ARFGAP1: variants seen among roughly 807,000 people sequenced by gnomAD.
ARFGAP1 encodes the protein ARF GTPase activating protein 1.
In ARFGAP1, 26 loss-of-function variants were observed where a neutral mutation model predicts 54.0. The observed-to-expected ratio is 0.48, with a 90% CI of 0.35 to 0.67. The LOEUF is 0.67. Among genes scored for constraint, ARFGAP1 ranks in the 30% least tolerant of loss-of-function variants. The pLI, the probability that ARFGAP1 is intolerant of heterozygous loss-of-function variation, is 0.00. For missense variants in ARFGAP1, 525 were observed against 535.8 expected (o/e 0.98, Z 0.20); for synonymous variants, 248 against 211.9 (o/e 1.17, Z -1.48).
chr20:63,277,355 T>C, intron 5 of ARFGAP1, 50 bp downstream of exon 5: 2 of 1,463,542 alleles, frequency 1.4e-6, no homozygotes, highest in South Asian at 1.3e-5. Flanking sequence ...GGTCCTGAAC[T>C]TAGTAGATTG....
At position 63,286,584 on chromosome 20, in the gene ARFGAP1, C is replaced by T. The variant is rs571375731; in HGVS notation, c.911+142C>T. 1.0e-4 allele frequency: 84 copies of T among 813,078 alleles called. 2 individuals carry two copies. The Admixed American group carries it at 1.6e-3, about 15-fold the overall frequency. The allele number at this position is 813,078 out of a possible 1,614,324, so 50.4% of individuals were successfully genotyped here. A position where few individuals can be genotyped will look rare whatever the true frequency, so the allele number is the denominator to read the frequency against. On this transcript the variant is annotated intron_variant, in intron 12 of 12. Coordinates refer to ENST00000370283, the MANE Select transcript of ARFGAP1 (RefSeq NM_018209.4). ...GGCTCTCCGGGAGGTGGCTGGCATCCTTGCTGGGGAGGGGGCACTGTGGAG... is the reference window on the plus strand; with the variant it reads ...GGCTCTCCGGGAGGTGGCTGGCATCTTTGCTGGGGAGGGGGCACTGTGGAG...
chr20:63,276,022 T>A lies in ARFGAP1; in HGVS notation c.61-69T>A. 6.9e-7 allele frequency: 1 copy of A among 1,455,764 alleles called. No homozygotes were observed. The highest frequency in any genetic ancestry group is 2.3e-5 in the East Asian group (1 of 44,170). The allele number at this position is 1,455,764 out of a possible 1,614,324, so 90.2% of individuals were successfully genotyped here. The stretch of plus-strand genomic sequence containing the variant: ...TCTGCATTCGCTCCTTGAGGCCACC[T>A]GTCGGGTCTTTGGGGTCCCTGGGCT... On this transcript the variant is annotated intron_variant, in intron 2 of 12. Transcript: ENST00000370283. This position sits in a 1 kb window ranked among gnomAD's most constrained non-coding sequence, Gnocchi z 5.2.
intron 7 of ARFGAP1, 149 bp from the exon 8 acceptor site, chr20:63,281,142 G>C: frequency 1.3e-6 from 1 of 751,808 alleles, no homozygotes; most frequent in East Asian, 2.7e-5. Flanking sequence ...TCCTCCAGCA[G>C]CCTGGAGAAG....
chr20:63,282,334 G>C (rs2067406535), intron 8 of ARFGAP1, among the ~76,000 whole-genome samples: 2 of 152,272 alleles, frequency 1.3e-5, no homozygotes, highest in African/African-American at 4.8e-5. Flanking sequence ...CAGCCAGAGT[G>C]TCACGACCGG....
At chr20:63,279,682 G>A (rs551883816) in intron 7 of ARFGAP1, among the ~76,000 whole-genome samples, 3 of 152,312 alleles carry the variant, frequency 2.0e-5, no homozygotes, top group African/African-American at 4.8e-5. Flanking sequence ...GAAGTTGCTC[G>A]GGTGCTGCCT....
chr20:63,285,095 C>T (rs1049360069), intron 10 of ARFGAP1, among the ~76,000 whole-genome samples, 173 bp downstream of exon 10: 6 of 152,146 alleles, frequency 3.9e-5, no homozygotes, highest in African/African-American at 9.6e-5. Context: ...TCCTCTTGGA[C>T]CCCCCAGCTG....
At chr20:63,284,692 T>G in intron 9 of ARFGAP1, 174 bp from the exon 10 acceptor site, 1 of 1,446,326 alleles carries the variant, frequency 6.9e-7, no homozygotes, top group Non-Finnish European at 9.1e-7. Flanking sequence ...GGCGGCCTAC[T>G]GCCCTTCGGG....
rs1302213674 is a variant in ARFGAP1, at chr20:63,283,703, C to CGGCT, written c.717+854_717+857dup. On this transcript the variant is annotated intron_variant, in intron 9 of 12. Coordinates refer to ENST00000370283, the MANE Select transcript of ARFGAP1 (RefSeq NM_018209.4). ...TGGTGGTCAGTTCCAGGGCAGGGAGCGGCTGCTCCAGGGTTGTGTTGCTGA... is the reference window on the plus strand; with the variant it reads ...TGGTGGTCAGTTCCAGGGCAGGGAGCGGCTGGCTGCTCCAGGGTTGTGTTGCTGA... 3 of 777,636 alleles carry CGGCT rather than the reference C, an allele frequency of 3.9e-6. No homozygotes were observed. The African/African-American group carries it at 5.2e-5, about 14-fold the overall frequency. 48.2% of individuals were successfully genotyped at this position (777,636 alleles called of 1,614,324 possible). A position where few individuals can be genotyped will look rare whatever the true frequency, so the allele number is the denominator to read the frequency against.
chr20:63,281,523 G>A (rs990886142), intron 8 of ARFGAP1, among the ~76,000 whole-genome samples, 176 bp downstream of exon 8: 1 of 152,176 alleles, frequency 6.6e-6, no homozygotes, highest in African/African-American at 2.4e-5. Context: ...AGACCTTGGA[G>A]GTTCTGCAGG....
intron 6 of ARFGAP1, 85 bp downstream of exon 6, chr20:63,278,288 C>T: frequency 1.4e-6 from 2 of 1,414,434 alleles, no homozygotes; most frequent in Non-Finnish European, 2.0e-6. Flanking sequence ...CCCTTGGGGC[C>T]TCCCATGTGC....
Position 63,282,747 on chromosome 20 carries a change from G to T in ARFGAP1, c.685-72G>T, listed in dbSNP as rs554217722. 7.7e-4 allele frequency: 1,186 copies of T among 1,539,350 alleles called. 12 individuals are homozygous for T. In the South Asian group the frequency reaches 0.01, roughly 13 times the overall value. ...GAGAGACAGTCCTGGACCTGAGTCTGTGGGCCCTGAGGAAGGATGCCTGGC... is the reference window on the plus strand; with the variant it reads ...GAGAGACAGTCCTGGACCTGAGTCTTTGGGCCCTGAGGAAGGATGCCTGGC... On this transcript the variant is annotated intron_variant, in intron 8 of 12. Transcript: ENST00000370283.
intron 9 of ARFGAP1, chr20:63,283,522 C>T (rs992068426): frequency 1.1e-5 from 4 of 369,276 alleles, no homozygotes; most frequent in East Asian, 5.0e-5. Context: ...TCCTTTCTCA[C>T]GAGGTGCCCA....
intron 9 of ARFGAP1, chr20:63,284,575 C>T: frequency 7.7e-7 from 1 of 1,291,022 alleles, no homozygotes; most frequent in Admixed American, 3.3e-5. Flanking sequence ...GGCCTGTTCC[C>T]ACCAGCCCGG....
At chr20:63,281,724 G>A (rs994018541) in intron 8 of ARFGAP1, among the ~76,000 whole-genome samples, 16 of 152,198 alleles carry the variant, frequency 1.1e-4, no homozygotes, top group African/African-American at 3.6e-4. Context: ...TGTTTTGAGA[G>A]CGATTTCTCT....
At chr20:63,279,227 C>G in intron 7 of ARFGAP1, 1 of 596,988 alleles carries the variant, frequency 1.7e-6, no homozygotes, top group South Asian at 1.6e-5. Flanking sequence ...AAGACGGAGT[C>G]TTGCTTTGTC....
chr20:63,283,830 T>C (rs1317047829), intron 9 of ARFGAP1: 1 of 1,613,446 alleles, frequency 6.2e-7, no homozygotes, highest in Non-Finnish European at 8.5e-7. Flanking sequence ...TCCTCACCTG[T>C]CTTCTTGCTG....
In ARFGAP1 at chr20:63,288,833, C is replaced by T; in HGVS notation, c.*960C>T. On this transcript the variant is annotated 3_prime_UTR_variant, in exon 13 of 13. Coordinates refer to ENST00000370283, the MANE Select transcript of ARFGAP1 (RefSeq NM_018209.4). ...GCCACGTGTGACTCGTCTCCCTTGT[C>T]TGCCCTGTGTGACCCTCAGTCTTGG... is the stretch of plus-strand genomic sequence containing the variant. 3.1e-6 allele frequency: 1 copy of T among 320,218 alleles called. No individual in the cohort carries two copies. Among genetic ancestry groups the T allele is most frequent in the East Asian group, 7.8e-5 (1 of 12,888 alleles). The allele number at this position is 320,218 out of a possible 1,614,324, so 19.8% of individuals were successfully genotyped here.
chr20:63,285,758 C>T (rs1371616313), intron 11 of ARFGAP1, 45 bp downstream of exon 11: 1 of 1,601,422 alleles, frequency 6.2e-7, no homozygotes, highest in Non-Finnish European at 8.6e-7. Flanking sequence ...AGCCAGTCTC[C>T]ATATTCCACG....
chr20:63,286,166 C>A, intron 11 of ARFGAP1, 200 bp from the exon 12 acceptor site: 2 of 1,550,292 alleles, frequency 1.3e-6, no homozygotes, highest in Non-Finnish European at 1.7e-6. Context: ...TCCTCGCTGC[C>A]ATGTCCCGCA....
Sources: gnomAD v4.1 joint callset for allele counts (sites outside exome capture counted in the v4.1 genomes callset) on GRCh38, gnomAD v4.1.1 for gene constraint, Gnocchi (gnomAD v3.1) non-coding constraint, MANE v1.5 for transcripts, NCBI Gene and HGNC (gene_info 2026-07-23, HGNC 2026-07-21) for gene names.